The following SEMA6D variants were observed in gnomAD, a reference collection of about 807,000 sequenced individuals.
SEMA6D encodes the protein semaphorin 6D.
In SEMA6D, 35 loss-of-function variants were observed where a neutral mutation model predicts 106.6. That is an observed-to-expected ratio of 0.33 (90% CI 0.25 to 0.44). SEMA6D has a LOEUF of 0.44. Among genes scored for constraint, SEMA6D ranks in the 20% least tolerant of loss-of-function variants. The pLI is 1.00. For missense variants in SEMA6D, 1,185 were observed against 1,345.9 expected (o/e 0.88, Z 1.87); for synonymous variants, 499 against 487.7 (o/e 1.02, Z -0.31).
chr15:47,214,403 G>A (rs979633824), intron 1 of SEMA6D, among the ~76,000 whole-genome samples: 1 of 152,122 alleles, frequency 6.6e-6, no homozygotes, highest in Non-Finnish European at 1.5e-5. Context: ...ACATTTAATG[G>A]AAAAGGAGGA....
At chr15:47,637,815 C>G (rs1030536501) in intron 4 of SEMA6D, among the ~76,000 whole-genome samples, 1 of 152,174 alleles carries the variant, frequency 6.6e-6, no homozygotes, top group African/African-American at 2.4e-5. Flanking sequence ...GCTTCCATGC[C>G]ACCCTTGGCA....
chr15:47,419,942 G>A (rs897994676), intron 2 of SEMA6D, among the ~76,000 whole-genome samples: 2 of 152,130 alleles, frequency 1.3e-5, no homozygotes, highest in Non-Finnish European at 2.9e-5. Context: ...TGGTCTGCTG[G>A]TCCAGGGCAG....
At chr15:47,348,727 C>CACAGAGAGAGAGAGAGAGAGAGAGAG (rs1450109233) in intron 1 of SEMA6D, among the ~76,000 whole-genome samples, 2 of 57,054 alleles carry the variant, frequency 3.5e-5, no homozygotes, top group African/African-American at 5.0e-5. Flanking sequence ...ACCACACACA[C>CACAGAGAGAGAGAGAGAGAGAGAGAG]AGAGAGAGAG....
At chr15:47,713,200 G>A (rs1454954441), upstream of SEMA6D, among the ~76,000 whole-genome samples, 2 of 152,126 alleles carry the variant, frequency 1.3e-5, no homozygotes, top group African/African-American at 4.8e-5. Flanking sequence ...AATGCATGGT[G>A]TATTCCCTTT....
chr15:47,440,608 A>G (rs942369191), intron 2 of SEMA6D, among the ~76,000 whole-genome samples: 29 of 151,984 alleles, frequency 1.9e-4, no homozygotes, highest in African/African-American at 6.5e-4. Flanking sequence ...TTCAGGATCA[A>G]ATTAGAAAGA....
At chr15:47,461,146 C>T (rs2042496233) in intron 2 of SEMA6D, among the ~76,000 whole-genome samples, 1 of 152,102 alleles carries the variant, frequency 6.6e-6, no homozygotes. Flanking sequence ...CGCATCACTG[C>T]CTTTATTTGA....
At chr15:47,475,624 G>A (rs985372463) in intron 3 of SEMA6D, among the ~76,000 whole-genome samples, 2 of 152,134 alleles carry the variant, frequency 1.3e-5, no homozygotes, top group Non-Finnish European at 2.9e-5. Flanking sequence ...GTTGCATGGC[G>A]CAGAGTTCAG....
chr15:47,441,695 AT>A (rs2041888850), intron 2 of SEMA6D, among the ~76,000 whole-genome samples: 2 of 152,062 alleles, frequency 1.3e-5, no homozygotes, highest in South Asian at 2.1e-4. Context: ...AATACATTTT[AT>A]TTTTTTAATG....
At chr15:47,201,502 T>G (rs1894722433) in intron 1 of SEMA6D, among the ~76,000 whole-genome samples, 1 of 152,198 alleles carries the variant, frequency 6.6e-6, no homozygotes, top group African/African-American at 2.4e-5. Context: ...AAGGATAGTT[T>G]TAATAATACA....
chr15:47,542,343 G>A (rs1381607227), intron 3 of SEMA6D, among the ~76,000 whole-genome samples: 2 of 152,088 alleles, frequency 1.3e-5, no homozygotes, highest in Non-Finnish European at 2.9e-5. Context: ...TTTCTAAATT[G>A]GCAACAAGTC....
At chr15:47,296,207 T>A (rs1013075597) in intron 1 of SEMA6D, among the ~76,000 whole-genome samples, 4 of 152,136 alleles carry the variant, frequency 2.6e-5, no homozygotes, top group African/African-American at 9.7e-5. Flanking sequence ...CTATCCAATG[T>A]AGGAGGTCAC....
At chr15:47,458,077 A>G (rs940147036) in intron 2 of SEMA6D, among the ~76,000 whole-genome samples, 1 of 151,970 alleles carries the variant, frequency 6.6e-6, no homozygotes, top group Non-Finnish European at 1.5e-5. Context: ...AAATAAAAAT[A>G]CGAAATGTTT....
At chr15:47,218,926 A>G (rs1250140272) in intron 1 of SEMA6D, among the ~76,000 whole-genome samples, 2 of 152,218 alleles carry the variant, frequency 1.3e-5, no homozygotes, top group Non-Finnish European at 1.5e-5. Context: ...CATCCATATG[A>G]TGCCAAACCC....
chr15:47,335,835 A>G (rs549644507), intron 1 of SEMA6D, among the ~76,000 whole-genome samples: 1 of 152,304 alleles, frequency 6.6e-6, no homozygotes, highest in Non-Finnish European at 1.5e-5. Flanking sequence ...AATAAAATGG[A>G]AATTGATGGG....
intron 16 of SEMA6D, 110 bp downstream of exon 16, chr15:47,766,787 C>G: frequency 1.3e-6 from 1 of 758,338 alleles, no homozygotes; most frequent in Admixed American, 2.6e-5. Context: ...TACCACCTAG[C>G]ATTTAACTTA....
In SEMA6D at chr15:47,277,733, G is replaced by C. The variant is rs555857445; in HGVS notation, c.-239+93315G>C. On this transcript the variant is annotated intron_variant, in intron 1 of 19. Transcript: ENST00000558014. Reference sequence around the variant, plus strand: ...CCTACTAACTCGTCATCTAGCATTAGGTATATCTCCCAATGCTATTCCTCC... The same window carrying C: ...CCTACTAACTCGTCATCTAGCATTACGTATATCTCCCAATGCTATTCCTCC... 3.6e-3 allele frequency among the ~76,000 whole-genome samples: 542 copies of C among 151,798 alleles called. 1 individual carries two copies. The highest frequency in any genetic ancestry group is 0.013 in the African/African-American group (518 of 41,364).
intron 4 of SEMA6D, among the ~76,000 whole-genome samples, chr15:47,683,153 A>G (rs894345910): frequency 2.0e-5 from 3 of 152,206 alleles, no homozygotes; most frequent in Non-Finnish European, 4.4e-5. Flanking sequence ...GAGTGTACCC[A>G]TCACTTGAAG....
At chr15:47,628,923 T>C (rs1029887468) in intron 4 of SEMA6D, among the ~76,000 whole-genome samples, 1 of 152,114 alleles carries the variant, frequency 6.6e-6, no homozygotes, top group Non-Finnish European at 1.5e-5. Context: ...CCGTGAGTTT[T>C]AGATCAAGAT....
At chr15:47,474,557 G>T (rs1330919857) in intron 3 of SEMA6D, among the ~76,000 whole-genome samples, 1 of 152,142 alleles carries the variant, frequency 6.6e-6, no homozygotes, top group Non-Finnish European at 1.5e-5. Flanking sequence ...TCTTCTCAAA[G>T]CGTCTTGTGT....
Sources: allele counts gnomAD v4.1 joint callset (sites outside exome capture counted in the v4.1 genomes callset), GRCh38; gene constraint gnomAD v4.1.1; transcripts MANE v1.5; gene names NCBI Gene and HGNC (gene_info 2026-07-23, HGNC 2026-07-21).